Variants in KIRREL3 observed in about 807,000 individuals in gnomAD.
The protein encoded by KIRREL3 is kirre like nephrin family adhesion molecule 3.
A neutral mutation model predicts 89.7 loss-of-function variants in KIRREL3; 36 were observed. The ratio of observed to expected loss-of-function variants is 0.40; its 90% confidence interval spans 0.31 to 0.53. The LOEUF is 0.53. Among genes scored for constraint, KIRREL3 ranks in the 20% least tolerant of loss-of-function variants. The probability of loss-of-function intolerance (pLI) is 0.49; values close to 1 mark genes in which losing one functional copy is unlikely to be tolerated. For synonymous variants in KIRREL3, 445 were observed against 441.4 expected (o/e 1.01, Z -0.10); for missense variants, 864 against 1,056.6 (o/e 0.82, Z 2.53).
chr11:126,784,288 A>C (rs1368607637), intron 1 of KIRREL3, among the ~76,000 whole-genome samples: 1 of 152,260 alleles, frequency 6.6e-6, no homozygotes, highest in Non-Finnish European at 1.5e-5. Context: ...TACTAATGCA[A>C]GATGTTAACA....
In KIRREL3 at chr11:126,463,442, G is replaced by A; in HGVS notation, c.592-135C>T. ...TGGAGGGGTTCAGCTTAGGAGACCTGGGCTGCCCATGTCTACGCAGAGCTC... is the reference window on the plus strand; with the variant it reads ...TGGAGGGGTTCAGCTTAGGAGACCTAGGCTGCCCATGTCTACGCAGAGCTC... On this transcript the variant is annotated intron_variant, in intron 5 of 16. Transcript: ENST00000525144. This position sits in a 1 kb window ranked among gnomAD's most constrained non-coding sequence, Gnocchi z 5.9. 2.3e-6 allele frequency: 2 copies of A among 884,526 alleles called. No homozygotes were observed. Among genetic ancestry groups the A allele is most frequent in the Non-Finnish European group, 3.4e-6 (2 of 589,172 alleles). 54.8% of individuals were successfully genotyped at this position (884,526 alleles called of 1,614,324 possible).
Position 126,624,367 on chromosome 11 carries a change from G to T in KIRREL3, c.56-61455C>A, listed in dbSNP as rs970266284. Among the ~76,000 whole-genome samples, 1 of 152,080 alleles carries T rather than the reference G, an allele frequency of 6.6e-6. No individual in the cohort carries two copies. The highest frequency in any genetic ancestry group is 1.5e-5 in the Non-Finnish European group (1 of 68,016). On this transcript the variant is annotated intron_variant, in intron 1 of 16. Transcript: ENST00000525144. The surrounding 1 kb of genome is among the most constrained non-coding windows in gnomAD (Gnocchi z 6.0). Reference sequence around the variant, plus strand: ...AAAACAAAACAAAACAAAACCTGAGGTATTTCTTAGAACACGAAGCATGAA... The same window carrying T: ...AAAACAAAACAAAACAAAACCTGAGTTATTTCTTAGAACACGAAGCATGAA...
chr11:126,702,257 CCTATT>C (rs777655918), intron 1 of KIRREL3, among the ~76,000 whole-genome samples: 21 of 152,188 alleles, frequency 1.4e-4, no homozygotes, highest in Non-Finnish European at 2.9e-4. Flanking sequence ...TAGAATGTAC[CCTATT>C]GATGGTAGCT....
At chr11:126,556,800 T>G (rs1412274234) in intron 2 of KIRREL3, among the ~76,000 whole-genome samples, 1 of 152,146 alleles carries the variant, frequency 6.6e-6, no homozygotes, top group African/African-American at 2.4e-5. Flanking sequence ...GGCAGGTCTC[T>G]TGTTCCAAGA....
At position 126,811,181 on chromosome 11, in the gene KIRREL3, C is replaced by G. The variant is rs1230545508; in HGVS notation, c.55+189274G>C. ...AGCTAGCAACTCCATGTGTTGTTAC[C>G]CCACCTGACAGTTCACAATTCTGTC... On this transcript the variant is annotated intron_variant, in intron 1 of 16. Transcript: ENST00000525144. This position sits in a 1 kb window ranked among gnomAD's most constrained non-coding sequence, Gnocchi z 4.3. 6.6e-6 allele frequency among the ~76,000 whole-genome samples: 1 copy of G among 152,152 alleles called. No homozygotes were observed. Among genetic ancestry groups the G allele is most frequent in the South Asian group, 2.1e-4 (1 of 4,822 alleles).
At position 126,800,252 on chromosome 11, in the gene KIRREL3, C is replaced by G. The variant is rs114235688; in HGVS notation, c.55+200203G>C. 4.6e-3 allele frequency among the ~76,000 whole-genome samples: 705 copies of G among 152,316 alleles called. 3 individuals carry two copies. The highest frequency in any genetic ancestry group is 0.016 in the African/African-American group (666 of 41,558). On this transcript the variant is annotated intron_variant, in intron 1 of 16. Transcript: ENST00000525144. ...GAATCTGACTCCGTGAGACAAAGAG[C>G]CTTGGACTTGGTATCCCAGGGCCTT...
Position 126,754,921 on chromosome 11 carries a change from C to A in KIRREL3, c.56-192009G>T, listed in dbSNP as rs1477171181. Among the ~76,000 whole-genome samples, 1 of 152,316 alleles carries A rather than the reference C, an allele frequency of 6.6e-6. No individual in the cohort carries two copies. Among genetic ancestry groups the A allele is most frequent in the Non-Finnish European group, 1.5e-5 (1 of 68,032 alleles). ...ATGCAGTGGGAATAATTTATTTCTT[C>A]TTCCTGGTGAGCAAATACACAGCAA... On this transcript the variant is annotated intron_variant, in intron 1 of 16. Coordinates refer to ENST00000525144, the MANE Select transcript of KIRREL3 (RefSeq NM_032531.4). The surrounding 1 kb of genome is among the most constrained non-coding windows in gnomAD (Gnocchi z 5.1).
intron 12 of KIRREL3, among the ~76,000 whole-genome samples, 156 bp downstream of exon 12, chr11:126,436,655 G>T (rs1218810895): frequency 2.0e-5 from 3 of 152,256 alleles, no homozygotes; most frequent in Non-Finnish European, 4.4e-5. Flanking sequence ...TGAGGAGGCT[G>T]CTGGCTGGCT....
chr11:126,994,991 C>T lies in KIRREL3; in HGVS notation c.55+5464G>A, dbSNP rs113676958. 9.5e-4 allele frequency: 333 copies of T among 349,082 alleles called. 1 individual carries two copies. The highest frequency in any genetic ancestry group is 6.3e-3 in the African/African-American group (291 of 46,500). 21.6% of individuals were successfully genotyped at this position (349,082 alleles called of 1,614,324 possible). A position where few individuals can be genotyped will look rare whatever the true frequency, so the allele number is the denominator to read the frequency against. On this transcript the variant is annotated intron_variant, in intron 1 of 16. Coordinates refer to ENST00000525144, the MANE Select transcript of KIRREL3 (RefSeq NM_032531.4). This position sits in a 1 kb window ranked among gnomAD's most constrained non-coding sequence, Gnocchi z 5.2. ...GGGAAAAGAAAATGACATGCAATGA[C>T]GTATGGAACAGTACTGTGTCTCGGT...
intron 5 of KIRREL3, among the ~76,000 whole-genome samples, chr11:126,470,424 C>T (rs1956854053): frequency 6.6e-6 from 1 of 152,212 alleles, no homozygotes; most frequent in South Asian, 2.1e-4. Context: ...GGACTTGTGT[C>T]TGAGGGAAGG....
At position 126,999,998 on chromosome 11, in the gene KIRREL3, T is replaced by A. The variant is rs939773123; in HGVS notation, c.55+457A>T. Among the ~76,000 whole-genome samples the A allele has an allele frequency of 6.6e-6, 1 of 152,140 alleles. No homozygotes were observed. Among genetic ancestry groups the A allele is most frequent in the Non-Finnish European group, 1.5e-5 (1 of 68,030 alleles). Reference sequence around the variant, plus strand: ...ACGGTGCAAACCACACACATTCGCTTTTGAATACACTTGTGCAAGTCAAAC... The same window carrying A: ...ACGGTGCAAACCACACACATTCGCTATTGAATACACTTGTGCAAGTCAAAC... On this transcript the variant is annotated intron_variant, in intron 1 of 16. Coordinates refer to ENST00000525144, the MANE Select transcript of KIRREL3 (RefSeq NM_032531.4). The surrounding 1 kb of genome is among the most constrained non-coding windows in gnomAD (Gnocchi z 5.7).
rs560208984 is a variant in KIRREL3, at chr11:126,557,973, C to T, written c.133+4862G>A. 4.6e-5 allele frequency among the ~76,000 whole-genome samples: 7 copies of T among 152,228 alleles called. No homozygotes were observed. Among genetic ancestry groups the T allele is most frequent in the South Asian group, 2.1e-4 (1 of 4,834 alleles). ...CTTTGCTAATCACTCACAAGTATTT[C>T]GTCCTGAAAGATGAAAGGGACAGCA... On this transcript the variant is annotated intron_variant, in intron 2 of 16. Transcript: ENST00000525144. The surrounding 1 kb of genome is among the most constrained non-coding windows in gnomAD (Gnocchi z 5.6).
chr11:126,675,075 C>A (rs2135073574), intron 1 of KIRREL3, among the ~76,000 whole-genome samples: 1 of 152,324 alleles, frequency 6.6e-6, no homozygotes, highest in African/African-American at 2.4e-5. Flanking sequence ...TTGTTGCCTG[C>A]CAGGCCCCAC....
In KIRREL3 at chr11:126,858,053, G is replaced by A. The variant is rs1015543768; in HGVS notation, c.55+142402C>T. On this transcript the variant is annotated intron_variant, in intron 1 of 16. Transcript: ENST00000525144. ...CCAGCCAGGTCCCCACTTACCGTGTGAACTGCCTCGCCAAATGTGCCAGGA... is the reference window on the plus strand; with the variant it reads ...CCAGCCAGGTCCCCACTTACCGTGTAAACTGCCTCGCCAAATGTGCCAGGA... Among the ~76,000 whole-genome samples the A allele has an allele frequency of 5.9e-5, 9 of 152,144 alleles. 1 individual carries two copies. The highest frequency in any genetic ancestry group is 2.6e-4 in the Admixed American group (4 of 15,274).
intron 16 of KIRREL3, 97 bp from the exon 17 acceptor site, chr11:126,425,120 G>A (rs1954891222): frequency 5.0e-6 from 6 of 1,205,178 alleles, no homozygotes; most frequent in Non-Finnish European, 6.8e-6. Flanking sequence ...TGCGGGGAGG[G>A]AAGAGGGAAA....
chr11:126,613,381 A>C (rs1426530054), intron 1 of KIRREL3, among the ~76,000 whole-genome samples: 1 of 152,178 alleles, frequency 6.6e-6, no homozygotes, highest in African/African-American at 2.4e-5. Flanking sequence ...TAATTTGGCT[A>C]ATGAGTTCTA....
chr11:126,452,020 G>T (rs532669184), intron 7 of KIRREL3, among the ~76,000 whole-genome samples: 1 of 152,062 alleles, frequency 6.6e-6, no homozygotes, highest in African/African-American at 2.4e-5. Flanking sequence ...CACCACAAAC[G>T]CCGTCTCCTG....
chr11:126,493,258 A>G (rs918123070), intron 4 of KIRREL3, among the ~76,000 whole-genome samples: 1 of 152,192 alleles, frequency 6.6e-6, no homozygotes, highest in Non-Finnish European at 1.5e-5. Context: ...GCGGTGGCTC[A>G]TGCCTGTAAT....
intron 1 of KIRREL3, among the ~76,000 whole-genome samples, chr11:126,930,813 TTG>T (rs1023151005): frequency 3.9e-5 from 6 of 152,154 alleles, no homozygotes; most frequent in African/African-American, 1.4e-4. Flanking sequence ...GATCCCAGGA[TTG>T]TGTCCCTACC....
Sources: gnomAD v4.1 joint callset for allele counts (sites outside exome capture counted in the v4.1 genomes callset) on GRCh38, gnomAD v4.1.1 for gene constraint, Gnocchi (gnomAD v3.1) non-coding constraint, MANE v1.5 for transcripts, NCBI Gene and HGNC (gene_info 2026-07-23, HGNC 2026-07-21) for gene names.